The following UMAD1 variants were observed in gnomAD, a reference collection of about 807,000 sequenced individuals.
UMAD1 encodes UBAP1-MVB12-associated (UMA) domain containing 1.
UMAD1 carries 8 observed loss-of-function variants against 6.1 expected under a neutral mutation model. That is an observed-to-expected ratio of 1.30 (90% CI 0.76 to 2.35). UMAD1 has a LOEUF of 2.35. Among genes scored for constraint, UMAD1 ranks in the 30% most tolerant of loss-of-function variants. The pLI, the probability that UMAD1 is intolerant of heterozygous loss-of-function variation, is 0.00. For missense variants in UMAD1, 130 were observed against 78.4 expected (o/e 1.66, Z -2.49); for synonymous variants, 56 against 31.4 (o/e 1.78, Z -2.61).
intron 2 of UMAD1, among the ~76,000 whole-genome samples, chr7:7,782,950 C>G (rs537265449): frequency 1.3e-5 from 2 of 152,158 alleles, no homozygotes; most frequent in African/African-American, 4.8e-5. Flanking sequence ...CCAGGCTGGT[C>G]TTGAACGCCT....
chr7:7,777,247 C>G (rs1007564084), intron 2 of UMAD1, among the ~76,000 whole-genome samples: 2 of 151,972 alleles, frequency 1.3e-5, no homozygotes, highest in African/African-American at 2.4e-5. Flanking sequence ...CGGCTCATCC[C>G]TGTAATCCCA....
chr7:7,669,514 G>A (rs960916514), intron 1 of UMAD1, among the ~76,000 whole-genome samples: 1 of 152,172 alleles, frequency 6.6e-6, no homozygotes, highest in African/African-American at 2.4e-5. Context: ...GCAGATTTTA[G>A]TGCTTTAGCA....
intron 3 of UMAD1, among the ~76,000 whole-genome samples, chr7:7,861,276 A>G (rs1784111378): frequency 6.6e-6 from 1 of 152,208 alleles, no homozygotes; most frequent in Non-Finnish European, 1.5e-5. Flanking sequence ...ATAACAAACT[A>G]CTGTCCTGAG....
chr7:7,787,932 T>A (rs1782490329), intron 2 of UMAD1, among the ~76,000 whole-genome samples: 1 of 152,212 alleles, frequency 6.6e-6, no homozygotes, highest in African/African-American at 2.4e-5. Flanking sequence ...CATCTTAAAT[T>A]TCCTTCACCT....
At position 7,714,432 on chromosome 7, in the gene UMAD1, C is replaced by G. The variant is rs116493329; in HGVS notation, c.82+40979C>G. On this transcript the variant is annotated intron_variant, in intron 2 of 3. Transcript: ENST00000682710. ...TTAAAATATGAATTAAGAGGTTGTA[C>G]TTAAACATGAATAAAGAGGGAGTAC... is the stretch of plus-strand genomic sequence containing the variant. Among the ~76,000 whole-genome samples, 299 of 152,264 alleles carry G rather than the reference C, an allele frequency of 2.0e-3. 4 individuals are homozygous for G. The highest frequency in any genetic ancestry group is 7.0e-3 in the African/African-American group (292 of 41,538).
intron 3 of UMAD1, among the ~76,000 whole-genome samples, chr7:7,871,463 G>A (rs887702): frequency 0.34 from 52,094 of 152,028 alleles, 9,304 homozygotes; most frequent in East Asian, 0.5. Context: ...TAACCTCTCT[G>A]TGCCTCAGTT....
At chr7:7,822,783 A>C (rs1783264696) in intron 3 of UMAD1, among the ~76,000 whole-genome samples, 1 of 152,094 alleles carries the variant, frequency 6.6e-6, no homozygotes, top group African/African-American at 2.4e-5. Flanking sequence ...TTTTCTAGCA[A>C]TCAATTGAAG....
chr7:7,672,884 A>G (rs1021573978), intron 1 of UMAD1, among the ~76,000 whole-genome samples: 2 of 152,204 alleles, frequency 1.3e-5, no homozygotes, highest in African/African-American at 4.8e-5. Flanking sequence ...TCTTTTCTCC[A>G]GTGGCCTTAG....
At chr7:7,653,569 A>G (rs1291062711) in intron 1 of UMAD1, among the ~76,000 whole-genome samples, 1 of 152,222 alleles carries the variant, frequency 6.6e-6, no homozygotes, top group Non-Finnish European at 1.5e-5. Context: ...AGGTGATCAT[A>G]CCCATTCACA....
intron 2 of UMAD1, among the ~76,000 whole-genome samples, chr7:7,677,286 A>G (rs972056505): frequency 6.6e-6 from 1 of 152,164 alleles, no homozygotes; most frequent in Non-Finnish European, 1.5e-5. Context: ...TTAAAAATAT[A>G]CAATAAATTA....
At chr7:7,682,645 C>G (rs1318339032) in intron 2 of UMAD1, among the ~76,000 whole-genome samples, 2 of 152,082 alleles carry the variant, frequency 1.3e-5, no homozygotes, top group African/African-American at 4.8e-5. Flanking sequence ...TTTTTATTGC[C>G]TGTTCTTACA....
intron 3 of UMAD1, among the ~76,000 whole-genome samples, chr7:7,863,571 G>A (rs771415694): frequency 3.9e-5 from 6 of 152,022 alleles, no homozygotes; most frequent in Non-Finnish European, 7.4e-5. Context: ...TTTGTTTTGT[G>A]TTTTGTTTTG....
intron 2 of UMAD1, among the ~76,000 whole-genome samples, chr7:7,699,858 G>T (rs1013543307): frequency 1.3e-5 from 2 of 152,120 alleles, no homozygotes; most frequent in Admixed American, 1.3e-4. Flanking sequence ...CTGAGCTCTG[G>T]GTTATAAGTA....
intron 1 of UMAD1, among the ~76,000 whole-genome samples, chr7:7,646,989 C>T (rs574971480): frequency 6.6e-6 from 1 of 152,280 alleles, no homozygotes; most frequent in Admixed American, 6.5e-5. Context: ...AGGGACCCCA[C>T]CCTTCTGCCG....
At chr7:7,797,351 G>A (rs1255259796) in intron 2 of UMAD1, among the ~76,000 whole-genome samples, 1 of 152,112 alleles carries the variant, frequency 6.6e-6, no homozygotes, top group South Asian at 2.1e-4. Flanking sequence ...TTTTGGAGGG[G>A]ACACACATCC....
intron 2 of UMAD1, among the ~76,000 whole-genome samples, chr7:7,686,446 A>G (rs1272193802): frequency 2.0e-5 from 3 of 152,144 alleles, no homozygotes; most frequent in Admixed American, 6.5e-5. Flanking sequence ...TTTATTGACA[A>G]TTTTTTAAAA....
chr7:7,716,315 A>G (rs1420481701), intron 2 of UMAD1, among the ~76,000 whole-genome samples: 2 of 152,238 alleles, frequency 1.3e-5, no homozygotes, highest in African/African-American at 4.8e-5. Flanking sequence ...TATAACTTCA[A>G]AGTGATACAG....
chr7:7,877,021 A>C (rs189117946), intron 3 of UMAD1, among the ~76,000 whole-genome samples: 31 of 152,346 alleles, frequency 2.0e-4, no homozygotes, highest in Middle Eastern at 3.4e-3. Flanking sequence ...TTATCTGAGC[A>C]AGGGAAATAA....
At chr7:7,748,608 A>C (rs143435256) in intron 2 of UMAD1, among the ~76,000 whole-genome samples, 1 of 152,088 alleles carries the variant, frequency 6.6e-6, no homozygotes, top group Non-Finnish European at 1.5e-5. Context: ...GTGGTGGCAC[A>C]TTAATATTAA....
Sources: gnomAD v4.1 joint callset for allele counts (sites outside exome capture counted in the v4.1 genomes callset) on GRCh38, gnomAD v4.1.1 for gene constraint, MANE v1.5 for transcripts, NCBI Gene and HGNC (gene_info 2026-07-23, HGNC 2026-07-21) for gene names.